The following NEGR1 variants were observed in gnomAD, a reference collection of about 807,000 sequenced individuals.
The protein encoded by NEGR1 is IgLON family member 4.
NEGR1 carries 10 observed loss-of-function variants against 40.9 expected under a neutral mutation model. The ratio of observed to expected loss-of-function variants is 0.24; its 90% CI spans 0.15 to 0.42. NEGR1 has a LOEUF of 0.42. Ranked by LOEUF, NEGR1 falls within the 10% of genes least tolerant of loss-of-function variation. NEGR1 has a pLI of 1.00. For synonymous variants in NEGR1, 185 were observed against 166.8 expected, an observed-to-expected ratio of 1.11 and a Z score of -0.84; for missense variants, 352 against 438.9, an observed-to-expected ratio of 0.80 and a Z score of 1.77.
chr1:71,650,416 A>C (rs982764162), intron 4 of NEGR1, among the ~76,000 whole-genome samples: 11 of 152,194 alleles, frequency 7.2e-5, no homozygotes, highest in African/African-American at 1.4e-4. Context: ...ATGGAAGCTG[A>C]ATCTTTAGGA....
chr1:71,431,027 G>C (rs1000411351), intron 6 of NEGR1, among the ~76,000 whole-genome samples: 1 of 151,488 alleles, frequency 6.6e-6, no homozygotes, highest in South Asian at 2.1e-4. Context: ...GATTACAGGC[G>C]TGAGCCACCG....
Position 72,121,952 on chromosome 1 carries a change from C to A in NEGR1, c.176+160367G>T, listed in dbSNP as rs375853258. Among the ~76,000 whole-genome samples the A allele has an allele frequency of 3.3e-5, 5 of 151,832 alleles. No individual in the cohort carries two copies. The South Asian group carries it at 8.3e-4, about 25-fold the overall frequency. On this transcript the variant is annotated intron_variant, in intron 1 of 6. Coordinates refer to ENST00000357731, the MANE Select transcript of NEGR1 (RefSeq NM_173808.3). Reference sequence around the variant, plus strand: ...TGCAGATAATTTTAAGGTTCATATGCAAATAACTTTATAATATTTTATGTA... The same window carrying A: ...TGCAGATAATTTTAAGGTTCATATGAAAATAACTTTATAATATTTTATGTA...
chr1:72,180,978 T>G (rs1380742223), intron 1 of NEGR1, among the ~76,000 whole-genome samples: 1 of 152,198 alleles, frequency 6.6e-6, no homozygotes, highest in South Asian at 2.1e-4. Flanking sequence ...TGGTGCACCA[T>G]GTCTGATGGG....
chr1:71,603,151 G>A (rs1333437984), intron 5 of NEGR1, among the ~76,000 whole-genome samples: 1 of 152,174 alleles, frequency 6.6e-6, no homozygotes, highest in Admixed American at 6.5e-5. Flanking sequence ...ATGAAGAAGT[G>A]AAACTTTTCA....
At chr1:71,876,972 G>A (rs987907260) in intron 2 of NEGR1, among the ~76,000 whole-genome samples, 4 of 150,970 alleles carry the variant, frequency 2.6e-5, no homozygotes, top group Admixed American at 2.0e-4. Flanking sequence ...TTACCTATAG[G>A]ATGATGTTTG....
chr1:71,978,252 T>C (rs753125979), intron 1 of NEGR1, among the ~76,000 whole-genome samples: 2 of 152,180 alleles, frequency 1.3e-5, no homozygotes, highest in Non-Finnish European at 2.9e-5. Context: ...TGTTTAAATA[T>C]GAAAAGTGTT....
chr1:72,128,837 A>G, intron 1 of NEGR1, among the ~76,000 whole-genome samples: 1 of 152,200 alleles, frequency 6.6e-6, no homozygotes, highest in East Asian at 1.9e-4. Flanking sequence ...ATTGGTACAC[A>G]GATATCCCTC....
At chr1:72,167,134 T>C (rs1168631841) in intron 1 of NEGR1, among the ~76,000 whole-genome samples, 1 of 152,058 alleles carries the variant, frequency 6.6e-6, no homozygotes, top group Non-Finnish European at 1.5e-5. Context: ...ATGCAAAATC[T>C]TAAAACAAGA....
At chr1:72,279,200 A>G (rs370562360) in intron 1 of NEGR1, among the ~76,000 whole-genome samples, 100 of 152,302 alleles carry the variant, frequency 6.6e-4, no homozygotes, top group Middle Eastern at 3.4e-3. Flanking sequence ...AGATACAGTT[A>G]GATAACAGAA....
intron 1 of NEGR1, among the ~76,000 whole-genome samples, chr1:72,210,020 T>A (rs1653542550): frequency 6.6e-6 from 1 of 151,928 alleles, no homozygotes; most frequent in African/African-American, 2.4e-5. Context: ...AAAATGCGGA[T>A]GATAAAGGAA....
intron 3 of NEGR1, among the ~76,000 whole-genome samples, chr1:71,762,801 T>A (rs1259630135): frequency 6.6e-6 from 1 of 152,154 alleles, no homozygotes; most frequent in African/African-American, 2.4e-5. Flanking sequence ...AATAGAATGT[T>A]AAATAATGAG....
At chr1:72,170,707 G>T (rs143072170) in intron 1 of NEGR1, among the ~76,000 whole-genome samples, 2 of 152,312 alleles carry the variant, frequency 1.3e-5, no homozygotes, top group African/African-American at 2.4e-5. Context: ...ACAGTTTGAT[G>T]TAACTGTAGA....
In NEGR1 at chr1:71,755,488, C is replaced by A. The variant is rs553900103; in HGVS notation, c.535+20684G>T. Among the ~76,000 whole-genome samples, 3 of 152,306 alleles carry A rather than the reference C, an allele frequency of 2.0e-5. No homozygotes were observed. In the East Asian group the frequency reaches 5.8e-4, roughly 29 times the overall value. On this transcript the variant is annotated intron_variant, in intron 3 of 6. Coordinates refer to ENST00000357731, the MANE Select transcript of NEGR1 (RefSeq NM_173808.3). ...AGGGGAAAAATATACTAAACTCTCA[C>A]CATGGCCTGTTATCCTTACTTGATC... is the stretch of plus-strand genomic sequence containing the variant.
At chr1:71,782,928 A>G (rs762350790) in intron 2 of NEGR1, among the ~76,000 whole-genome samples, 1 of 151,924 alleles carries the variant, frequency 6.6e-6, no homozygotes, top group Non-Finnish European at 1.5e-5. Flanking sequence ...ATAATCATAC[A>G]CATTTATTTT....
rs1490901314 is a variant in NEGR1, at chr1:71,396,305, G to T, written c.*11141C>A. 3 of 152,052 alleles carry T rather than the reference G, an allele frequency of 2.0e-5. No homozygotes were observed. Among genetic ancestry groups the T allele is most frequent in the Admixed American group, 2.0e-4 (3 of 15,258 alleles). The allele number at this position is 152,052 out of a possible 1,614,324, so 9.4% of individuals were successfully genotyped here. ...TAAACATCCAGATTAACTCTACCAGGTAATTCTTTTTAGACAGCTCTTCAG... is the reference window on the plus strand; with the variant it reads ...TAAACATCCAGATTAACTCTACCAGTTAATTCTTTTTAGACAGCTCTTCAG... On this transcript the variant is annotated 3_prime_UTR_variant, in exon 7 of 7. Coordinates refer to ENST00000357731, the MANE Select transcript of NEGR1 (RefSeq NM_173808.3).
At chr1:71,875,907 T>C (rs1416076222) in intron 2 of NEGR1, among the ~76,000 whole-genome samples, 2 of 152,186 alleles carry the variant, frequency 1.3e-5, no homozygotes, top group South Asian at 2.1e-4. Context: ...TAGACCATTA[T>C]ATACAATCTT....
chr1:71,590,533 C>T (rs1649464410), intron 6 of NEGR1, among the ~76,000 whole-genome samples: 1 of 151,964 alleles, frequency 6.6e-6, no homozygotes, highest in African/African-American at 2.4e-5. Context: ...CGGGTGTAGG[C>T]ATTGTAGATA....
intron 3 of NEGR1, among the ~76,000 whole-genome samples, chr1:71,717,782 G>A (rs968877611): frequency 6.6e-6 from 1 of 152,050 alleles, no homozygotes; most frequent in Non-Finnish European, 1.5e-5. Flanking sequence ...GTTAAAATGA[G>A]GTCATTAAGG....
intron 1 of NEGR1, among the ~76,000 whole-genome samples, chr1:72,102,295 T>C (rs1369360348): frequency 1.3e-5 from 2 of 152,104 alleles, no homozygotes; most frequent in Non-Finnish European, 2.9e-5. Flanking sequence ...AATTCAATTA[T>C]ACTTTAAAAA....
Sources: gnomAD v4.1 joint callset for allele counts (sites outside exome capture counted in the v4.1 genomes callset) on GRCh38, gnomAD v4.1.1 for gene constraint, MANE v1.5 for transcripts, NCBI Gene and HGNC (gene_info 2026-07-23, HGNC 2026-07-21) for gene names.